SLX9: variants seen among roughly 807,000 people sequenced by gnomAD.
The protein encoded by SLX9 is SLX9 ribosome biogenesis factor.
Under a neutral mutation model 20.8 loss-of-function variants are expected in SLX9, and 19 were observed. The ratio of observed to expected loss-of-function variants is 0.91; its 90% CI spans 0.64 to 1.34. The LOEUF is 1.34. Ranked by LOEUF, SLX9 falls within the 40% of genes most tolerant of loss-of-function variation. The pLI, the probability that SLX9 is intolerant of heterozygous loss-of-function variation, is 0.00. For missense variants in SLX9, 299 were observed against 322.2 expected (o/e 0.93, Z 0.55); for synonymous variants, 113 against 137.1 (o/e 0.82, Z 1.23).
At chr21:44,950,873 G>A (rs1027336501) in intron 2 of SLX9, among the ~76,000 whole-genome samples, 1 of 152,184 alleles carries the variant, frequency 6.6e-6, no homozygotes, top group Admixed American at 6.5e-5. Context: ...GGGGGCTGCT[G>A]TAGAACTGCT....
At chr21:44,966,155 T>C (rs2123436926) in intron 3 of SLX9, among the ~76,000 whole-genome samples, 1 of 151,906 alleles carries the variant, frequency 6.6e-6, no homozygotes, top group East Asian at 1.9e-4. Flanking sequence ...TTGGTCAGGG[T>C]GGGCCCTTCA....
chr21:44,972,922 T>G (rs1601424591), intron 4 of SLX9: 2 of 40,936 alleles, frequency 4.9e-5, no homozygotes, highest in African/African-American at 4.3e-4. Flanking sequence ...GTCACCAGAT[T>G]CCACACGGAG....
At chr21:44,939,928 A>C, upstream of SLX9, 1 of 989,632 alleles carries the variant, frequency 1.0e-6, no homozygotes, top group Non-Finnish European at 1.4e-6. Flanking sequence ...CGCCCGCCCG[A>C]GCCGCTTCCG....
intron 2 of SLX9, among the ~76,000 whole-genome samples, chr21:44,951,014 G>A (rs1372530139): frequency 5.3e-5 from 8 of 152,174 alleles, no homozygotes; most frequent in Admixed American, 2.0e-4. Flanking sequence ...CTGGGTACAC[G>A]TGTCGTGGGC....
chr21:44,952,630 G>C (rs1601388788), intron 2 of SLX9, among the ~76,000 whole-genome samples: 1 of 152,210 alleles, frequency 6.6e-6, no homozygotes, highest in East Asian at 1.9e-4. Flanking sequence ...CCCAGCAGAG[G>C]TCTTTTGGCT....
intron 1 of SLX9, among the ~76,000 whole-genome samples, chr21:44,942,617 T>G (rs531578447): frequency 6.6e-6 from 1 of 152,302 alleles, no homozygotes; most frequent in South Asian, 2.1e-4. Flanking sequence ...GATTTAGAAT[T>G]ACATAAAACA....
chr21:44,940,271 G>A (rs2084516165), intron 1 of SLX9, 85 bp downstream of exon 1: 1 of 1,190,694 alleles, frequency 8.4e-7, no homozygotes, highest in East Asian at 3.6e-5. Context: ...GGAGGGTTCC[G>A]CGACCCCGGC....
chr21:44,963,290 C>T (rs1160521312), intron 3 of SLX9, among the ~76,000 whole-genome samples: 4 of 151,808 alleles, frequency 2.6e-5, no homozygotes, highest in African/African-American at 4.8e-5. Flanking sequence ...GGGGTTTCAC[C>T]GTGTTAGCAG....
intron 2 of SLX9, among the ~76,000 whole-genome samples, chr21:44,951,900 T>C (rs1462975896): frequency 1.3e-5 from 2 of 148,650 alleles, no homozygotes; most frequent in Non-Finnish European, 2.9e-5. Flanking sequence ...CATAGAACTT[T>C]GAGCACAGAG....
chr21:44,957,801 G>C (rs1362854094), intron 2 of SLX9, among the ~76,000 whole-genome samples: 1 of 152,234 alleles, frequency 6.6e-6, no homozygotes, highest in Non-Finnish European at 1.5e-5. Context: ...CCACTGGCTG[G>C]GGTTCTGTGA....
At chr21:44,942,383 G>A (rs1030659781) in intron 1 of SLX9, among the ~76,000 whole-genome samples, 3 of 152,178 alleles carry the variant, frequency 2.0e-5, no homozygotes, top group Admixed American at 6.5e-5. Flanking sequence ...TCTCTGCCAC[G>A]TAACCCTCCA....
intron 3 of SLX9, among the ~76,000 whole-genome samples, chr21:44,966,135 T>C (rs1001257705): frequency 2.0e-5 from 3 of 152,042 alleles, no homozygotes; most frequent in Admixed American, 6.5e-5. Flanking sequence ...TGGCATCCCC[T>C]GATTTCGGGT....
At position 44,963,390 on chromosome 21, in the gene SLX9, T is replaced by TTA. The variant is rs1491216624; in HGVS notation, c.352+3222_352+3223insTA. On this transcript the variant is annotated intron_variant, in intron 3 of 5. Coordinates refer to ENST00000291634, the MANE Select transcript of SLX9 (RefSeq NM_058190.4). The stretch of plus-strand genomic sequence containing the variant: ...GGCGTGAGAACTTTTTTTTTTTTTT[T>TTA]AAATAAACGAGAGTTTAATTTTGAG... 1.4e-3 allele frequency among the ~76,000 whole-genome samples: 203 copies of TTA among 149,650 alleles called. 1 individual carries two copies. Among genetic ancestry groups the TTA allele is most frequent in the African/African-American group, 4.6e-3 (188 of 40,728 alleles).
intron 2 of SLX9, among the ~76,000 whole-genome samples, chr21:44,949,699 G>C (rs763190642): frequency 6.6e-6 from 1 of 152,162 alleles, no homozygotes; most frequent in Non-Finnish European, 1.5e-5. Context: ...ACACGTCTGC[G>C]TCTGCAGGCG....
intron 1 of SLX9, among the ~76,000 whole-genome samples, chr21:44,941,364 G>T (rs1476148358): frequency 1.5e-5 from 2 of 135,084 alleles, no homozygotes; most frequent in Admixed American, 1.4e-4. Flanking sequence ...GTATCTGCTT[G>T]ATTACTTTGT....
At chr21:44,966,760 G>A (rs1275763937) in intron 3 of SLX9, among the ~76,000 whole-genome samples, 1 of 152,244 alleles carries the variant, frequency 6.6e-6, no homozygotes, top group East Asian at 1.9e-4. Context: ...GGCCACAGTT[G>A]CCAGCGTCCC....
chr21:44,946,027 C>T (rs2087814286), intron 2 of SLX9, among the ~76,000 whole-genome samples: 1 of 152,242 alleles, frequency 6.6e-6, no homozygotes, highest in Non-Finnish European at 1.5e-5. Flanking sequence ...AGCCACCACG[C>T]CCGGCCTGGT....
intron 2 of SLX9, among the ~76,000 whole-genome samples, chr21:44,949,255 G>A (rs1276656542): frequency 6.6e-6 from 1 of 152,158 alleles, no homozygotes; most frequent in African/African-American, 2.4e-5. Flanking sequence ...CCCCTCGCAC[G>A]GTTTGTGGCC....
At chr21:44,975,103 C>T (rs111977677) in intron 5 of SLX9, among the ~76,000 whole-genome samples, 1 of 152,222 alleles carries the variant, frequency 6.6e-6, no homozygotes, top group Non-Finnish European at 1.5e-5. Flanking sequence ...AGCCAGAGGT[C>T]TGTTCCCTTT....
Sources: gnomAD v4.1 joint callset for allele counts (sites outside exome capture counted in the v4.1 genomes callset) on GRCh38, gnomAD v4.1.1 for gene constraint, MANE v1.5 for transcripts, NCBI Gene and HGNC (gene_info 2026-07-23, HGNC 2026-07-21) for gene names.